HMGCS2: variants seen among roughly 807,000 people sequenced by gnomAD.
HMGCS2 encodes the protein 3-hydroxy-3-methylglutaryl-CoA synthase 2.
In HMGCS2, 50 loss-of-function variants were observed where a neutral mutation model predicts 57.4. The ratio of observed to expected loss-of-function variants is 0.87; its 90% CI spans 0.69 to 1.10. The LOEUF (loss-of-function observed/expected upper bound fraction) is 1.10, where lower values mean the gene tolerates loss of function less well. HMGCS2 is among the 50% of genes least tolerant of loss of function. The probability of loss-of-function intolerance (pLI) is 0.00; values close to 1 mark genes in which losing one functional copy is unlikely to be tolerated. For synonymous variants in HMGCS2, 254 were observed against 245.1 expected (o/e 1.04, Z -0.34); for missense variants, 627 against 636.5 (o/e 0.99, Z 0.16).
Position 119,764,370 on chromosome 1 carries a change from A to T in HMGCS2, c.361T>A (p.Trp121Arg). ...QRLMERIQLP[W>R]DSVGRLEVGT... ...ACTTCCAGCCTGCCCACAGAGTCCC[A>T]TGGGAGCTGTATGCGCTCCATCAGC... The change falls in exon 2 of 10, where the codon TGG (tryptophan) becomes AGG (arginine). Residue 121 changes from tryptophan (W) to arginine (R), a missense_variant. Physicochemically the swap from Trp to Arg is moderately radical, Grantham distance 101 (BLOSUM62 -3). Transcript: ENST00000369406. The T allele has an allele frequency of 1.2e-6, 2 of 1,614,246 alleles. No homozygotes were observed. The highest frequency in any genetic ancestry group is 1.7e-6 in the Non-Finnish European group (2 of 1,180,046).
intron 7 of HMGCS2, 119 bp downstream of exon 7, chr1:119,753,161 T>G: frequency 1.4e-6 from 1 of 726,160 alleles, no homozygotes; most frequent in Non-Finnish European, 2.5e-6. Context: ...GTGATTTACT[T>G]TGCTATTAAT....
chr1:119,766,245 A>G (rs1210559566), intron 1 of HMGCS2, among the ~76,000 whole-genome samples: 1 of 152,206 alleles, frequency 6.6e-6, no homozygotes, highest in Non-Finnish European at 1.5e-5. Context: ...TTTTATAGTT[A>G]GTGAAACCAA....
chr1:119,767,210 G>A (rs1003989575), intron 1 of HMGCS2, among the ~76,000 whole-genome samples: 6 of 152,182 alleles, frequency 3.9e-5, no homozygotes, highest in Non-Finnish European at 8.8e-5. Context: ...CCAACTTCAA[G>A]GCAGAATGTG....
Position 119,764,425 on chromosome 1 carries a change from G to C in HMGCS2, c.306C>G (p.Ile102Met), listed in dbSNP as rs955697615. The change falls in exon 2 of 10, where the codon ATC (isoleucine) becomes ATG (methionine). Residue 102 changes from isoleucine (I) to methionine (M), a missense_variant. Coordinates refer to ENST00000369406, the MANE Select transcript of HMGCS2 (RefSeq NM_005518.4). ...GCACCACCGTCAGGCACAGGGAGTT[G>C]ATGTCCTCTTGGACTGAGCAGAAGC... ...RMGFCSVQED[I>M]NSLCLTVVQR... 6.2e-7 allele frequency: 1 copy of C among 1,614,236 alleles called. No homozygotes were observed. Among genetic ancestry groups the C allele is most frequent in the Non-Finnish European group, 8.5e-7 (1 of 1,180,036 alleles).
intron 1 of HMGCS2, among the ~76,000 whole-genome samples, chr1:119,768,032 G>C (rs796575643): frequency 6.6e-6 from 1 of 152,204 alleles, no homozygotes; most frequent in African/African-American, 2.4e-5. Context: ...ATAGAATATA[G>C]AGTAAAAATG....
At position 119,752,626 on chromosome 1, in the gene HMGCS2, C is replaced by T. The variant is rs760833472; in HGVS notation, c.1343G>A (p.Arg448His). 8 of 1,613,942 alleles carry T rather than the reference C, an allele frequency of 5.0e-6. No homozygotes were observed. The highest frequency in any genetic ancestry group is 5.9e-6 in the Non-Finnish European group (7 of 1,179,968). The change falls in exon 8 of 10, where the codon CGC becomes CAC. Residue 448 changes from arginine to histidine, a missense_variant. Coordinates refer to ENST00000369406, the MANE Select transcript of HMGCS2 (RefSeq NM_005518.4). ...LVSSTSDLPK[R>H]LASRKCVSPE... ...AGACACACACTTTCGGGAGGCTAGG[C>T]GTTTTGGCAGGTCTGATGTGCTGGA...
At position 119,764,645 on chromosome 1, in the gene HMGCS2, T is replaced by C. The variant is rs1444004438; in HGVS notation, c.105-19A>G. The C allele has an allele frequency of 6.4e-7, 1 of 1,566,468 alleles. No individual in the cohort carries two copies. The highest frequency in any genetic ancestry group is 8.8e-7 in the Non-Finnish European group (1 of 1,139,984). On this transcript the variant is annotated intron_variant, in intron 1 of 9. Coordinates refer to ENST00000369406, the MANE Select transcript of HMGCS2 (RefSeq NM_005518.4). The stretch of plus-strand genomic sequence containing the variant: ...AGAAAACCTGTGATGGAGATAACAG[T>C]CAAACTCCCACTAATGGTCTGTAGA...
chr1:119,764,553 C>T lies in HMGCS2; in HGVS notation c.178G>A (p.Glu60Lys). The T allele has an allele frequency of 2.5e-6, 4 of 1,614,190 alleles. No individual in the cohort carries two copies. The highest frequency in any genetic ancestry group is 3.4e-6 in the Non-Finnish European group (4 of 1,180,036). Residue 60 changes from glutamate (E) to lysine (K), a missense_variant, in exon 2 of 10, where the codon GAG (glutamate) becomes AAG (lysine). Glu to Lys is a moderately conservative substitution (Grantham distance 56). Coordinates refer to ENST00000369406, the MANE Select transcript of HMGCS2 (RefSeq NM_005518.4). ...ACATATTGGGCTGGGAAGTAGACCT[C>T]CAGGGCCAGGATGCCCACGTCCTTT... ...WPKDVGILAL[E>K]VYFPAQYVDQ... is the part of the protein sequence containing the mutation.
Position 119,753,363 on chromosome 1 carries a change from C to G in HMGCS2, c.1211G>C (p.Gly404Ala), listed in dbSNP as rs1557988855. The change falls in exon 7 of 10, where the codon GGC becomes GCC. Residue 404 changes from glycine (G) to alanine (A), a missense_variant. Gly to Ala is a moderately conservative substitution (Grantham distance 60, BLOSUM62 0). Transcript: ENST00000369406. The stretch of plus-strand genomic sequence containing the variant: ...ATAAGAGAAGGCACCAATCCTGGAG[C>G]CAGCCAGTTCTTGGGCAGAGTGGCT... ...LSHHSAQELAGSRIGAFSYGS... is the reference protein window; with the variant it reads ...LSHHSAQELAASRIGAFSYGS... The G allele has an allele frequency of 1.2e-6, 2 of 1,610,134 alleles. No homozygotes were observed. Among genetic ancestry groups the G allele is most frequent in the South Asian group, 1.1e-5 (1 of 90,912 alleles).
chr1:119,763,415 T>C (rs1489595414), intron 2 of HMGCS2, among the ~76,000 whole-genome samples: 2 of 152,228 alleles, frequency 1.3e-5, no homozygotes, highest in East Asian at 1.9e-4. Context: ...TTCACATTTC[T>C]ATGAATTATT....
intron 2 of HMGCS2, among the ~76,000 whole-genome samples, chr1:119,761,593 A>C (rs1302728550): frequency 1.3e-5 from 2 of 151,966 alleles, no homozygotes; most frequent in Non-Finnish European, 2.9e-5. Context: ...GTGAAATCCC[A>C]TCTCTACTAA....
chr1:119,766,675 G>A (rs1653243471), intron 1 of HMGCS2, among the ~76,000 whole-genome samples: 1 of 152,196 alleles, frequency 6.6e-6, no homozygotes. Flanking sequence ...TTAAGCCAGC[G>A]CTTGTCCTGC....
chr1:119,763,736 A>G lies in HMGCS2; in HGVS notation c.559+436T>C, dbSNP rs894498889. Among the ~76,000 whole-genome samples, 5 of 152,348 alleles carry G rather than the reference A, an allele frequency of 3.3e-5. No homozygotes were observed. In the East Asian group the frequency reaches 7.7e-4, roughly 23 times the overall value. The stretch of plus-strand genomic sequence containing the variant: ...CTTGTGGTTTTCTGGGCCTGTTTCT[A>G]TGAAGGTGTTTTTTTCCCGAACATC... On this transcript the variant is annotated intron_variant, in intron 2 of 9. Transcript: ENST00000369406.
At chr1:119,758,719 C>T (rs775120960) in intron 4 of HMGCS2, among the ~76,000 whole-genome samples, 2 of 152,200 alleles carry the variant, frequency 1.3e-5, no homozygotes, top group Non-Finnish European at 2.9e-5. Flanking sequence ...GATTTCTCAA[C>T]GTGAGACTTT....
chr1:119,764,626 C>A lies in HMGCS2; in HGVS notation c.105G>T (p.Arg35Ser), dbSNP rs1231210408. 1 of 1,611,336 alleles carries A rather than the reference C, an allele frequency of 6.2e-7. No individual in the cohort carries two copies. The highest frequency in any genetic ancestry group is 1.1e-5 in the South Asian group (1 of 90,778). Residue 35 changes from arginine (R) to serine (S), a missense_variant and splice_region_variant, in exon 2 of 10, where the codon AGG (arginine) becomes AGT (serine). By Grantham distance (110) the Arg-to-Ser change is moderately radical (BLOSUM62 -1). Transcript: ENST00000369406. ...GGGGGACAGCAGAGGCTGTAGAAAA[C>A]CTGTGATGGAGATAACAGTCAAACT... ...PARLLPVAHQ[R>S]FSTASAVPLA...
At chr1:119,756,122 T>C (rs1046497602) in intron 5 of HMGCS2, among the ~76,000 whole-genome samples, 13 of 152,160 alleles carry the variant, frequency 8.5e-5, no homozygotes, top group African/African-American at 3.1e-4. Flanking sequence ...CTCCTGTTAC[T>C]CCTCAAAACA....
At chr1:119,763,480 T>C (rs1448413676) in intron 2 of HMGCS2, among the ~76,000 whole-genome samples, 1 of 152,180 alleles carries the variant, frequency 6.6e-6, no homozygotes, top group Non-Finnish European at 1.5e-5. Context: ...ACCCTGAGGC[T>C]CAAAGAGGTT....
Position 119,759,950 on chromosome 1 carries a change from T to G in HMGCS2, c.599A>C (p.Tyr200Ser). The change falls in exon 3 of 10, where the codon TAT becomes TCT. Residue 200 changes from tyrosine (Y) to serine (S), a missense_variant. Physicochemically the swap from Tyr to Ser is moderately radical, Grantham distance 144. Coordinates refer to ENST00000369406, the MANE Select transcript of HMGCS2 (RefSeq NM_005518.4). ...AMVVCGDIAVYPSGNARPTGG... is the reference protein window; with the variant it reads ...AMVVCGDIAVSPSGNARPTGG... ...TGTGGGACGAGCATTACCACTGGGA[T>G]AGACGGCAATGTCTCCACAGACCAC... 1 of 1,614,080 alleles carries G rather than the reference T, an allele frequency of 6.2e-7. No homozygotes were observed. Among genetic ancestry groups the G allele is most frequent in the Middle Eastern group, 1.6e-4 (1 of 6,062 alleles).
At chr1:119,756,278 T>C (rs1238573356) in intron 5 of HMGCS2, among the ~76,000 whole-genome samples, 1 of 152,218 alleles carries the variant, frequency 6.6e-6, no homozygotes, top group African/African-American at 2.4e-5. Flanking sequence ...AATGTGATCA[T>C]ATACATGTCT....
Sources: gnomAD v4.1 joint callset for allele counts (sites outside exome capture counted in the v4.1 genomes callset) on GRCh38, gnomAD v4.1.1 for gene constraint, MANE v1.5 for transcripts, NCBI Gene and HGNC (gene_info 2026-07-23, HGNC 2026-07-21) for gene names.